Variants in CNTN5 observed in about 807,000 individuals in gnomAD.
CNTN5 encodes the protein contactin 5, also known as contactin-5.
A neutral mutation model predicts 129.1 loss-of-function variants in CNTN5; 77 were observed. That is an observed-to-expected ratio of 0.60 (90% confidence interval 0.50 to 0.72). CNTN5 has a LOEUF of 0.72. Ranked by LOEUF, CNTN5 falls within the 30% of genes least tolerant of loss-of-function variation. CNTN5 has a pLI of 0.00. For missense variants in CNTN5, 1,478 were observed against 1,328.8 expected (o/e 1.11, Z -1.75); for synonymous variants, 509 against 465.6 (o/e 1.09, Z -1.20).
At chr11:99,294,257 T>C (rs1324495300) in intron 1 of CNTN5, among the ~76,000 whole-genome samples, 1 of 152,160 alleles carries the variant, frequency 6.6e-6, no homozygotes, top group Non-Finnish European at 1.5e-5. Context: ...CGTGACCTTC[T>C]ACTTACAAAA....
At chr11:99,241,947 C>A (rs1466683367) in intron 1 of CNTN5, among the ~76,000 whole-genome samples, 2 of 152,098 alleles carry the variant, frequency 1.3e-5, no homozygotes, top group Non-Finnish European at 2.9e-5. Context: ...CACACACACA[C>A]AATTTATCTT....
At chr11:99,781,259 TGTATTGCTCAACTCAACAG>T (rs1157213582) in intron 3 of CNTN5, among the ~76,000 whole-genome samples, 2 of 152,088 alleles carry the variant, frequency 1.3e-5, no homozygotes, top group South Asian at 2.1e-4. Flanking sequence ...TTTAGATATA[TGTATTGCTCAACTCAACAG>T]GTATTGCTCA....
intron 3 of CNTN5, among the ~76,000 whole-genome samples, chr11:99,740,950 A>G (rs1943869835): frequency 6.6e-6 from 1 of 152,112 alleles, no homozygotes; most frequent in South Asian, 2.1e-4. Flanking sequence ...TCTTTATTTT[A>G]TATTACTACT....
At chr11:99,379,613 A>T (rs1338274547) in intron 2 of CNTN5, among the ~76,000 whole-genome samples, 1 of 152,222 alleles carries the variant, frequency 6.6e-6, no homozygotes, top group Non-Finnish European at 1.5e-5. Flanking sequence ...AGTTTTAATA[A>T]ACTGAAGAGA....
intron 2 of CNTN5, among the ~76,000 whole-genome samples, chr11:99,474,539 T>A (rs1945296357): frequency 6.6e-6 from 1 of 152,116 alleles, no homozygotes; most frequent in African/African-American, 2.4e-5. Context: ...TTTTTAAAAT[T>A]TGACAATTTA....
intron 6 of CNTN5, among the ~76,000 whole-genome samples, chr11:99,896,053 A>G (rs1377625524): frequency 1.3e-5 from 2 of 152,070 alleles, no homozygotes; most frequent in Non-Finnish European, 2.9e-5. Flanking sequence ...CTCTGAGTGC[A>G]TAACTCCCAG....
intron 1 of CNTN5, among the ~76,000 whole-genome samples, chr11:99,045,830 T>G (rs1258825028): frequency 6.6e-6 from 1 of 152,160 alleles, no homozygotes; most frequent in Non-Finnish European, 1.5e-5. Flanking sequence ...AAACCAGTGG[T>G]AACATGGATG....
At position 99,234,547 on chromosome 11, in the gene CNTN5, A is replaced by G. The variant is rs117820696; in HGVS notation, c.-209-90799A>G. ...ATACCTCTATCACTGTACATATCAT[A>G]CCATTGAAATAATTTGTTTTGTGAG... is the stretch of plus-strand genomic sequence containing the variant. On this transcript the variant is annotated intron_variant, in intron 1 of 24. Transcript: ENST00000524871. 2.0e-3 allele frequency among the ~76,000 whole-genome samples: 312 copies of G among 152,262 alleles called. 4 individuals carry two copies. In the East Asian group the frequency reaches 0.04, roughly 19 times the overall value.
intron 7 of CNTN5, among the ~76,000 whole-genome samples, chr11:99,920,874 A>T (rs11221907): frequency 6.6e-6 from 1 of 152,108 alleles, no homozygotes; most frequent in African/African-American, 2.4e-5. Context: ...GGATATAAAC[A>T]TTCAGACCAT....
chr11:99,914,650 T>A (rs1350576483), intron 6 of CNTN5, among the ~76,000 whole-genome samples: 1 of 152,102 alleles, frequency 6.6e-6, no homozygotes, highest in Admixed American at 6.6e-5. Flanking sequence ...TTTTCTTTTG[T>A]CCTGCTACTT....
At chr11:100,054,193 A>G (rs947911627) in intron 9 of CNTN5, among the ~76,000 whole-genome samples, 2 of 151,706 alleles carry the variant, frequency 1.3e-5, no homozygotes, top group African/African-American at 4.8e-5. Context: ...TTAAAGCTAC[A>G]ATATAGTGGC....
intron 20 of CNTN5, among the ~76,000 whole-genome samples, chr11:100,308,136 T>C (rs1159359874): frequency 6.6e-6 from 1 of 151,828 alleles, no homozygotes. Flanking sequence ...TCTTTGCCTG[T>C]CTTGCTAGAT....
intron 13 of CNTN5, among the ~76,000 whole-genome samples, chr11:100,145,892 C>G (rs568472353): frequency 6.6e-6 from 1 of 152,118 alleles, no homozygotes; most frequent in African/African-American, 2.4e-5. Flanking sequence ...GTCCCCAAAT[C>G]ACTCCATTAA....
intron 3 of CNTN5, among the ~76,000 whole-genome samples, chr11:99,574,843 T>G (rs1281671442): frequency 6.6e-6 from 1 of 152,134 alleles, no homozygotes; most frequent in African/African-American, 2.4e-5. Flanking sequence ...ATTGCAAAAG[T>G]TTTCTCCCAC....
At chr11:99,523,597 G>GATATAGA (rs1555015798) in intron 2 of CNTN5, among the ~76,000 whole-genome samples, 1 of 127,388 alleles carries the variant, frequency 7.9e-6, no homozygotes, top group African/African-American at 2.9e-5. Flanking sequence ...CTCAAAGAAA[G>GATATAGA]ATAGAATAGA....
chr11:99,612,543 G>A (rs1950622312), intron 3 of CNTN5, among the ~76,000 whole-genome samples: 1 of 152,044 alleles, frequency 6.6e-6, no homozygotes, highest in African/African-American at 2.4e-5. Context: ...AACCCATATT[G>A]TCTTCTTTAG....
chr11:99,337,293 A>G (rs1422966207), intron 2 of CNTN5, among the ~76,000 whole-genome samples: 2 of 152,178 alleles, frequency 1.3e-5, no homozygotes, highest in Admixed American at 6.5e-5. Flanking sequence ...AGAGGAATTA[A>G]AGACACACAC....
intron 9 of CNTN5, among the ~76,000 whole-genome samples, chr11:100,044,980 A>G (rs1263700362): frequency 6.6e-6 from 1 of 151,952 alleles, no homozygotes; most frequent in Non-Finnish European, 1.5e-5. Context: ...TTGTTTTCTT[A>G]CTATTAGGTC....
intron 13 of CNTN5, among the ~76,000 whole-genome samples, chr11:100,101,636 A>G (rs1228494391): frequency 6.6e-6 from 1 of 151,890 alleles, no homozygotes; most frequent in Non-Finnish European, 1.5e-5. Context: ...TTATATGGAT[A>G]ATTTCTTTAG....
Sources: gnomAD v4.1 joint callset for allele counts (sites outside exome capture counted in the v4.1 genomes callset) on GRCh38, gnomAD v4.1.1 for gene constraint, MANE v1.5 for transcripts, NCBI Gene and HGNC (gene_info 2026-07-23, HGNC 2026-07-21) for gene names.